Variants in SCARA5 observed in about 807,000 individuals in gnomAD.
SCARA5 encodes scavenger receptor class A member 5.
Under a neutral mutation model 46.3 loss-of-function variants are expected in SCARA5, and 45 were observed. That is an observed-to-expected ratio of 0.97 (90% CI 0.76 to 1.24). SCARA5 has a LOEUF of 1.24. SCARA5 is among the 50% of genes most tolerant of loss of function. The pLI, the probability that SCARA5 is intolerant of heterozygous loss-of-function variation, is 0.00. For missense variants in SCARA5, 680 were observed against 689.0 expected, an observed-to-expected ratio of 0.99 and a Z score of 0.15; for synonymous variants, 333 against 306.5, an observed-to-expected ratio of 1.09 and a Z score of -0.90.
At chr8:27,951,660 G>T (rs1404989323) in intron 3 of SCARA5, among the ~76,000 whole-genome samples, 1 of 152,360 alleles carries the variant, frequency 6.6e-6, no homozygotes, top group Admixed American at 6.5e-5. Context: ...CAGAAGGCAA[G>T]TGTGCTCCAC....
chr8:27,881,239 C>T (rs1447698768), intron 7 of SCARA5, among the ~76,000 whole-genome samples: 1 of 152,226 alleles, frequency 6.6e-6, no homozygotes, highest in Non-Finnish European at 1.5e-5. Flanking sequence ...AAGACACATA[C>T]ACTCATATGT....
Position 27,893,116 on chromosome 8 carries a change from G to A in SCARA5, c.1153+11662C>T, listed in dbSNP as rs550023509. On this transcript the variant is annotated intron_variant, in intron 7 of 8. Coordinates refer to ENST00000354914, the MANE Select transcript of SCARA5 (RefSeq NM_173833.6). Reference sequence around the variant, plus strand: ...GCCAAGCAGGGATGTATCCTTGAAAGCCTTTTTGCACTCGTAGGAAGCAGG... The same window carrying A: ...GCCAAGCAGGGATGTATCCTTGAAAACCTTTTTGCACTCGTAGGAAGCAGG... Among the ~76,000 whole-genome samples, 19 of 152,262 alleles carry A rather than the reference G, an allele frequency of 1.2e-4. No individual in the cohort carries two copies. The East Asian group carries it at 3.5e-3, about 28-fold the overall frequency.
At chr8:27,974,870 C>A (rs1808499609) in intron 2 of SCARA5, among the ~76,000 whole-genome samples, 1 of 151,868 alleles carries the variant, frequency 6.6e-6, no homozygotes, top group Admixed American at 6.6e-5. Flanking sequence ...GGGTCCTCAA[C>A]AACTGTGATG....
chr8:27,904,140 G>T (rs920046706), intron 7 of SCARA5, among the ~76,000 whole-genome samples: 2 of 152,200 alleles, frequency 1.3e-5, no homozygotes, highest in African/African-American at 2.4e-5. Context: ...TTACTAACAG[G>T]GTGGTCTGCC....
chr8:27,908,798 A>T (rs1000637823), intron 5 of SCARA5, among the ~76,000 whole-genome samples: 3 of 152,130 alleles, frequency 2.0e-5, no homozygotes, highest in Non-Finnish European at 4.4e-5. Flanking sequence ...TGCTGACTTT[A>T]GGGAGGTTCC....
intron 2 of SCARA5, among the ~76,000 whole-genome samples, chr8:27,980,035 A>T (rs1216698599): frequency 3.3e-5 from 5 of 152,152 alleles, no homozygotes; most frequent in Admixed American, 3.3e-4. Context: ...GTAACCTTGC[A>T]CTTGAGCCAG....
rs554056524 is a variant in SCARA5, at chr8:27,906,529, G to A, written c.1096+619C>T. Among the ~76,000 whole-genome samples the A allele has an allele frequency of 3.3e-5, 5 of 152,356 alleles. No individual in the cohort carries two copies. In the South Asian group the frequency reaches 1.0e-3, roughly 32 times the overall value. ...GCTGTCCTGGGCCTGCAGCCCTGGTGTCTGCCCTGCAGGCCCCTTGTTGGC... is the reference window on the plus strand; with the variant it reads ...GCTGTCCTGGGCCTGCAGCCCTGGTATCTGCCCTGCAGGCCCCTTGTTGGC... On this transcript the variant is annotated intron_variant, in intron 6 of 8. Transcript: ENST00000354914.
intron 7 of SCARA5, among the ~76,000 whole-genome samples, chr8:27,890,599 A>ATCCCTGTACC (rs56963335): frequency 0.21 from 32,103 of 151,906 alleles, 3,944 homozygotes; most frequent in East Asian, 0.39. Context: ...ATGCCTCCGG[A>ATCCCTGTACC]TCCCTGGTTC....
chr8:27,909,832 G>C, intron 4 of SCARA5, 89 bp from the exon 5 acceptor site: 7 of 815,908 alleles, frequency 8.6e-6, no homozygotes, highest in East Asian at 3.0e-5. Flanking sequence ...CGCCCTCTCT[G>C]AGGAGAGGAA....
intron 3 of SCARA5, among the ~76,000 whole-genome samples, chr8:27,953,302 G>A (rs759039003): frequency 3.9e-5 from 6 of 152,214 alleles, no homozygotes; most frequent in Admixed American, 2.0e-4. Flanking sequence ...TCCTGCCCAC[G>A]GAGGATGCGG....
chr8:27,986,448 G>A (rs1334610458), intron 2 of SCARA5, among the ~76,000 whole-genome samples: 1 of 152,158 alleles, frequency 6.6e-6, no homozygotes, highest in Non-Finnish European at 1.5e-5. Flanking sequence ...TTTGTGTTTG[G>A]AGAATCCCTG....
intron 7 of SCARA5, among the ~76,000 whole-genome samples, chr8:27,901,765 C>T (rs548237486): frequency 6.6e-6 from 1 of 152,308 alleles, no homozygotes; most frequent in Non-Finnish European, 1.5e-5. Context: ...ACATCTGCAT[C>T]TGGAGCTACC....
At chr8:27,876,180 AC>A (rs1485226866) in intron 8 of SCARA5, among the ~76,000 whole-genome samples, 2 of 152,178 alleles carry the variant, frequency 1.3e-5, no homozygotes, top group Admixed American at 1.3e-4. Flanking sequence ...TAACTGCTTG[AC>A]ACCCAAGATC....
At chr8:27,926,417 G>T (rs1237628048) in intron 3 of SCARA5, among the ~76,000 whole-genome samples, 3 of 151,958 alleles carry the variant, frequency 2.0e-5, no homozygotes, top group Non-Finnish European at 2.9e-5. Flanking sequence ...TGGACACAGT[G>T]CAGGGAACAT....
chr8:27,978,193 A>AT (rs34584740), intron 2 of SCARA5, among the ~76,000 whole-genome samples: 61,089 of 137,902 alleles, frequency 0.44, 13,677 homozygotes, highest in Middle Eastern at 0.6. Context: ...CATCCGGCTA[A>AT]TTTTTTTTTT....
intron 7 of SCARA5, among the ~76,000 whole-genome samples, chr8:27,894,531 G>A (rs1807031321): frequency 6.6e-6 from 1 of 152,204 alleles, no homozygotes; most frequent in South Asian, 2.1e-4. Flanking sequence ...AGTGTGAGGG[G>A]CCAGTTTTAA....
At chr8:27,920,155 C>A (rs902276300) in intron 4 of SCARA5, among the ~76,000 whole-genome samples, 1 of 151,902 alleles carries the variant, frequency 6.6e-6, no homozygotes, top group Non-Finnish European at 1.5e-5. Context: ...ACAATGGAGG[C>A]CCATACATTT....
chr8:27,968,332 T>C (rs563252912), intron 2 of SCARA5, among the ~76,000 whole-genome samples: 1 of 152,368 alleles, frequency 6.6e-6, no homozygotes, highest in African/African-American at 2.4e-5. Flanking sequence ...GAGCAAGTTG[T>C]CAATGACTAT....
chr8:27,942,526 C>T (rs145865291), intron 3 of SCARA5, among the ~76,000 whole-genome samples: 3 of 152,296 alleles, frequency 2.0e-5, no homozygotes, highest in South Asian at 2.1e-4. Context: ...TGGCCATGCC[C>T]GGATCACTGC....
Sources: gnomAD v4.1 joint callset for allele counts (sites outside exome capture counted in the v4.1 genomes callset) on GRCh38, gnomAD v4.1.1 for gene constraint, MANE v1.5 for transcripts, NCBI Gene and HGNC (gene_info 2026-07-23, HGNC 2026-07-21) for gene names.